The following FSTL4 variants were observed in gnomAD, a reference collection of about 807,000 sequenced individuals.
FSTL4 encodes the protein follistatin-related protein 4.
In FSTL4, 28 loss-of-function variants were observed where a neutral mutation model predicts 78.2. The observed-to-expected ratio is 0.36, with a 90% confidence interval of 0.27 to 0.49. FSTL4 has a LOEUF of 0.49. Ranked by LOEUF, FSTL4 falls within the 20% of genes least tolerant of loss-of-function variation. The pLI, the probability that FSTL4 is intolerant of heterozygous loss-of-function variation, is 0.98. For missense variants in FSTL4, 922 were observed against 1,084.9 expected (o/e 0.85, Z 2.11); for synonymous variants, 422 against 440.5 (o/e 0.96, Z 0.53).
chr5:133,748,039 C>T, the FSTL4 span, among the ~76,000 whole-genome samples: 4 of 151,746 alleles, frequency 2.6e-5, no homozygotes, highest in Admixed American at 2.0e-4. Flanking sequence ...TACTAAAATA[C>T]AAACATCAGC....
chr5:133,526,848 CG>C (rs975011925), intron 3 of FSTL4, among the ~76,000 whole-genome samples: 10 of 152,262 alleles, frequency 6.6e-5, no homozygotes, highest in Non-Finnish European at 1.3e-4. Flanking sequence ...AGCTGGTGAA[CG>C]GGCTGAAGTT....
At chr5:133,681,140 A>T in the FSTL4 span, among the ~76,000 whole-genome samples, 1 of 152,260 alleles carries the variant, frequency 6.6e-6, no homozygotes, top group Non-Finnish European at 1.5e-5. Context: ...ACAGGCAGGC[A>T]GGTGGGCAGG....
the FSTL4 span, among the ~76,000 whole-genome samples, chr5:133,737,129 C>A: frequency 6.6e-6 from 1 of 151,876 alleles, no homozygotes; most frequent in Non-Finnish European, 1.5e-5. Context: ...TTATTATTGA[C>A]CATAGTCACC....
At chr5:133,523,675 G>A (rs573675148) in intron 3 of FSTL4, among the ~76,000 whole-genome samples, 1 of 152,186 alleles carries the variant, frequency 6.6e-6, no homozygotes. Flanking sequence ...ATGATTAAAT[G>A]TGGAGCCTGA....
chr5:133,245,190 CT>C (rs1752002554), intron 7 of FSTL4, among the ~76,000 whole-genome samples: 2 of 151,446 alleles, frequency 1.3e-5, no homozygotes, highest in African/African-American at 4.9e-5. Context: ...TCAGGGGAGC[CT>C]TGGGTGGAAG....
intron 3 of FSTL4, among the ~76,000 whole-genome samples, chr5:133,445,727 G>A (rs1364399930): frequency 1.3e-5 from 2 of 152,152 alleles, no homozygotes; most frequent in Non-Finnish European, 2.9e-5. Context: ...AGGCCCTCCC[G>A]GGTCCCCAGG....
At position 133,468,753 on chromosome 5, in the gene FSTL4, G is replaced by A. The variant is rs146974032; in HGVS notation, c.161-67767C>T. On this transcript the variant is annotated intron_variant, in intron 3 of 15. Coordinates refer to ENST00000265342, the MANE Select transcript of FSTL4 (RefSeq NM_015082.2). The stretch of plus-strand genomic sequence containing the variant: ...TTCCTGTGCTGCAACCTCTGCCAAG[G>A]GACTTCTGACAGGCAGGCCAGCTAT... Among the ~76,000 whole-genome samples, 406 of 152,240 alleles carry A rather than the reference G, an allele frequency of 2.7e-3. 1 individual carries two copies. The highest frequency in any genetic ancestry group is 9.5e-3 in the African/African-American group (395 of 41,526).
At chr5:133,761,119 T>C in the FSTL4 span, among the ~76,000 whole-genome samples, 1 of 152,244 alleles carries the variant, frequency 6.6e-6, no homozygotes, top group Middle Eastern at 3.2e-3. Flanking sequence ...CTTGTGAAGT[T>C]TCTCATTTTG....
At chr5:133,525,253 G>A (rs1160855687) in intron 3 of FSTL4, among the ~76,000 whole-genome samples, 1 of 152,214 alleles carries the variant, frequency 6.6e-6, no homozygotes, top group Non-Finnish European at 1.5e-5. Flanking sequence ...AGCTGGCCAA[G>A]CCAAGCGTGA....
chr5:133,836,518 A>C, the FSTL4 span, among the ~76,000 whole-genome samples: 1 of 152,150 alleles, frequency 6.6e-6, no homozygotes, highest in Non-Finnish European at 1.5e-5. Context: ...TCAGATTTTT[A>C]CCCATACATA....
Position 133,221,416 on chromosome 5 carries a change from G to A in FSTL4, c.1340-550C>T, listed in dbSNP as rs1297399035. On this transcript the variant is annotated intron_variant, in intron 11 of 15. Coordinates refer to ENST00000265342, the MANE Select transcript of FSTL4 (RefSeq NM_015082.2). The stretch of plus-strand genomic sequence containing the variant: ...TACTTCTGTTCCCTGCCCCCCCACC[G>A]CCCCCCACCGTTTCTCTGGCAGCCC... Among the ~76,000 whole-genome samples, 13 of 69,584 alleles carry A rather than the reference G, an allele frequency of 1.9e-4. No individual in the cohort carries two copies. The East Asian group carries it at 2.2e-3, about 12-fold the overall frequency. 45.6% of individuals were successfully genotyped at this position (69,584 alleles called of 152,430 possible).
chr5:133,231,801 A>C (rs1751501619), intron 8 of FSTL4, among the ~76,000 whole-genome samples: 1 of 152,180 alleles, frequency 6.6e-6, no homozygotes, highest in Non-Finnish European at 1.5e-5. Flanking sequence ...CAACCTCCCA[A>C]AGTGCTGTGA....
At chr5:133,816,491 C>G in the FSTL4 span, among the ~76,000 whole-genome samples, 1 of 152,196 alleles carries the variant, frequency 6.6e-6, no homozygotes, top group Non-Finnish European at 1.5e-5. Flanking sequence ...AATGGAGATG[C>G]TGACCTGTCA....
chr5:133,583,628 C>A (rs1760486468), intron 2 of FSTL4: 1 of 79,676 alleles, frequency 1.3e-5, no homozygotes, highest in Non-Finnish European at 2.6e-5. Flanking sequence ...ATATCCCACA[C>A]CTGGCTCAGA....
the FSTL4 span, among the ~76,000 whole-genome samples, chr5:133,826,642 C>T: frequency 1.3e-5 from 2 of 152,202 alleles, no homozygotes; most frequent in Admixed American, 1.3e-4. Flanking sequence ...GCAGGGCCCA[C>T]CTAGGTAATC....
intron 1 of FSTL4, among the ~76,000 whole-genome samples, chr5:133,605,156 T>C (rs1760952140): frequency 6.6e-6 from 1 of 152,218 alleles, no homozygotes; most frequent in East Asian, 1.9e-4. Flanking sequence ...AGTATTCTGA[T>C]TATGAAACAT....
chr5:133,221,448 GGCA>G (rs1167967918), intron 11 of FSTL4, among the ~76,000 whole-genome samples: 1 of 131,648 alleles, frequency 7.6e-6, no homozygotes, highest in Non-Finnish European at 1.6e-5. Flanking sequence ...GCCCGTGCCA[GGCA>G]GCAGAACCTA....
intron 3 of FSTL4, among the ~76,000 whole-genome samples, chr5:133,523,901 T>C (rs927137928): frequency 6.6e-6 from 1 of 152,230 alleles, no homozygotes; most frequent in Admixed American, 6.5e-5. Context: ...CATTAAACAA[T>C]AAATAAGACA....
At chr5:133,750,158 T>G in the FSTL4 span, among the ~76,000 whole-genome samples, 1 of 152,106 alleles carries the variant, frequency 6.6e-6, no homozygotes, top group Non-Finnish European at 1.5e-5. Flanking sequence ...TTTCACAAAG[T>G]GGCACCAAGA....
Sources: allele counts gnomAD v4.1 joint callset (sites outside exome capture counted in the v4.1 genomes callset), GRCh38; gene constraint gnomAD v4.1.1; transcripts MANE v1.5; gene names NCBI Gene and HGNC (gene_info 2026-07-23, HGNC 2026-07-21).